LRRK1: variants seen among roughly 807,000 people sequenced by gnomAD.
LRRK1 encodes the protein leucine-rich repeat serine/threonine-protein kinase 1.
A neutral mutation model predicts 209.1 loss-of-function variants in LRRK1; 113 were observed. The ratio of observed to expected loss-of-function variants is 0.54; its 90% CI spans 0.46 to 0.63. The LOEUF is 0.63. LRRK1 is among the 30% of genes least tolerant of loss of function. The probability of loss-of-function intolerance (pLI) is 0.00; values close to 1 mark genes in which losing one functional copy is unlikely to be tolerated. For synonymous variants in LRRK1, 1,144 were observed against 1,099.7 expected (o/e 1.04, Z -0.80); for missense variants, 2,284 against 2,632.2 (o/e 0.87, Z 2.89).
intron 17 of LRRK1, among the ~76,000 whole-genome samples, chr15:101,026,822 A>G (rs1301589739): frequency 6.6e-6 from 1 of 152,200 alleles, no homozygotes; most frequent in Non-Finnish European, 1.5e-5. Flanking sequence ...GTATTGGTGC[A>G]TGGGTCAGCC....
At chr15:100,989,469 G>A (rs1246798848) in intron 6 of LRRK1, 71 bp downstream of exon 6, 1 of 1,497,228 alleles carries the variant, frequency 6.7e-7, no homozygotes. Context: ...CTGCAGACTG[G>A]GTAATTTATA....
chr15:100,976,737 A>T (rs1309012381), intron 3 of LRRK1, among the ~76,000 whole-genome samples: 1 of 152,238 alleles, frequency 6.6e-6, no homozygotes, highest in Non-Finnish European at 1.5e-5. Context: ...AAGGATGTTC[A>T]TTCAAGTTGT....
intron 2 of LRRK1, among the ~76,000 whole-genome samples, chr15:100,949,873 C>G (rs1426586765): frequency 6.6e-6 from 1 of 152,000 alleles, no homozygotes; most frequent in Non-Finnish European, 1.5e-5. Flanking sequence ...ATCTGATAAA[C>G]TGCATCTGTT....
At chr15:100,996,212 G>C (rs1224842898) in intron 6 of LRRK1, among the ~76,000 whole-genome samples, 1 of 152,222 alleles carries the variant, frequency 6.6e-6, no homozygotes, top group African/African-American at 2.4e-5. Flanking sequence ...CCAGAGTTTC[G>C]TGCATTGCAG....
chr15:100,951,811 G>A (rs922475833), intron 2 of LRRK1, among the ~76,000 whole-genome samples: 1 of 151,914 alleles, frequency 6.6e-6, no homozygotes, highest in African/African-American at 2.4e-5. Context: ...TATTAGCCAG[G>A]CATGGTGGCA....
At chr15:100,956,369 CTCTT>C (rs1279796252) in intron 2 of LRRK1, among the ~76,000 whole-genome samples, 2 of 143,266 alleles carry the variant, frequency 1.4e-5, no homozygotes, top group African/African-American at 2.7e-5. Flanking sequence ...TATTTGAGTT[CTCTT>C]TCTTTTTTTT....
At position 101,023,955 on chromosome 15, in the gene LRRK1, T is replaced by C. The variant is rs575402893; in HGVS notation, c.2068-848T>C. The stretch of plus-strand genomic sequence containing the variant: ...TCCAGCTTTGCCTTTTTCTTAACAG[T>C]TATGCAATCTCATTTCTTCTCTTAG... On this transcript the variant is annotated intron_variant, in intron 15 of 33. Coordinates refer to ENST00000388948, the MANE Select transcript of LRRK1 (RefSeq NM_024652.6). 2.0e-5 allele frequency among the ~76,000 whole-genome samples: 3 copies of C among 152,302 alleles called. 1 individual carries two copies. In the South Asian group the frequency reaches 6.2e-4, roughly 32 times the overall value.
chr15:101,068,901 C>G lies in LRRK1; in HGVS notation c.*53C>G. ...GAGCTGGCTGGCCCGGGGCTGCAGCCTGACCCCTCTGCCATCGGCCTCTAG... is the reference window on the plus strand; with the variant it reads ...GAGCTGGCTGGCCCGGGGCTGCAGCGTGACCCCTCTGCCATCGGCCTCTAG... On this transcript the variant is annotated 3_prime_UTR_variant, in exon 34 of 34. Transcript: ENST00000388948. 1.3e-6 allele frequency: 2 copies of G among 1,499,508 alleles called. No individual in the cohort carries two copies. Among genetic ancestry groups the G allele is most frequent in the Non-Finnish European group, 1.8e-6 (2 of 1,113,798 alleles). The allele number at this position is 1,499,508 out of a possible 1,614,324, so 92.9% of individuals were successfully genotyped here.
chr15:100,986,836 CA>C (rs1458833461), intron 4 of LRRK1, among the ~76,000 whole-genome samples: 1 of 152,216 alleles, frequency 6.6e-6, no homozygotes, highest in African/African-American at 2.4e-5. Flanking sequence ...CAGGGCTCTG[CA>C]GAAGCTTCCA....
intron 20 of LRRK1, among the ~76,000 whole-genome samples, chr15:101,037,805 TC>T (rs985128032): frequency 6.6e-6 from 1 of 152,164 alleles, no homozygotes; most frequent in Non-Finnish European, 1.5e-5. Flanking sequence ...GTAAAATGGC[TC>T]CTTGCAGATT....
At chr15:100,953,092 A>C (rs193202765) in intron 2 of LRRK1, among the ~76,000 whole-genome samples, 4 of 152,208 alleles carry the variant, frequency 2.6e-5, no homozygotes, top group Non-Finnish European at 5.9e-5. Context: ...GTTAATGAAC[A>C]CATCTACCAT....
intron 10 of LRRK1, among the ~76,000 whole-genome samples, chr15:101,014,001 GAC>G (rs942974494): frequency 6.6e-6 from 1 of 152,148 alleles, no homozygotes; most frequent in African/African-American, 2.4e-5. Context: ...TCCCCAGAGA[GAC>G]ACACCGGTAA....
chr15:101,012,905 G>T (rs530159457), intron 10 of LRRK1, among the ~76,000 whole-genome samples: 2 of 152,142 alleles, frequency 1.3e-5, no homozygotes, highest in Non-Finnish European at 2.9e-5. Flanking sequence ...GCCCCCGGGG[G>T]GGGGTGGTCC....
At position 101,053,015 on chromosome 15, in the gene LRRK1, G is replaced by A; in HGVS notation, c.3783G>A (p.Arg1261=). The part of the protein sequence containing the change: ...GGSGTVIYRA[R]YQGQPVAVKR... The stretch of plus-strand genomic sequence containing the variant: ...GTGGCACCGTCATCTACCGGGCCCG[G>A]TACCAGGGCCAGCCTGTGGCCGTCA... The change falls in exon 25 of 34, where the codon CGG becomes CGA. Residue 1261 remains arginine, a synonymous_variant. Transcript: ENST00000388948. 1 of 1,613,070 alleles carries A rather than the reference G, an allele frequency of 6.2e-7. No homozygotes were observed. The highest frequency in any genetic ancestry group is 2.2e-5 in the East Asian group (1 of 44,844).
intron 7 of LRRK1, among the ~76,000 whole-genome samples, chr15:101,009,395 C>G (rs2033130580): frequency 6.6e-6 from 1 of 152,138 alleles, no homozygotes; most frequent in Non-Finnish European, 1.5e-5. Flanking sequence ...GAGGCACCAG[C>G]TTTTACTCTG....
intron 3 of LRRK1, among the ~76,000 whole-genome samples, chr15:100,977,413 C>G (rs2031360838): frequency 6.6e-6 from 1 of 152,138 alleles, no homozygotes; most frequent in South Asian, 2.1e-4. Context: ...TCATCCCCAC[C>G]CCACGGTGTC....
At chr15:101,058,599 A>G in intron 29 of LRRK1, among the ~76,000 whole-genome samples, 1 of 106,420 alleles carries the variant, frequency 9.4e-6, no homozygotes, top group African/African-American at 4.2e-5. Flanking sequence ...CTGCTGCCCC[A>G]GATTGCAGAA....
At chr15:101,061,072 G>T in intron 29 of LRRK1, 99 bp from the exon 30 acceptor site, 1 of 858,192 alleles carries the variant, frequency 1.2e-6, no homozygotes, top group Non-Finnish European at 2.0e-6. Flanking sequence ...GGTGGGAGCA[G>T]GGGAGGTAGA....
Position 101,066,602 on chromosome 15 carries a change from C to T in LRRK1, c.5769-38C>T, listed in dbSNP as rs774363657. On this transcript the variant is annotated intron_variant, in intron 32 of 33. Coordinates refer to ENST00000388948, the MANE Select transcript of LRRK1 (RefSeq NM_024652.6). The stretch of plus-strand genomic sequence containing the variant: ...TTCACTCCCCGGAGAGCACGGCTAC[C>T]GACAAATCGCTTCCCCTTCTGGGTT... 30 of 1,594,118 alleles carry T rather than the reference C, an allele frequency of 1.9e-5. 1 individual carries two copies. Among genetic ancestry groups the T allele is most frequent in the Non-Finnish European group, 2.2e-5 (26 of 1,161,960 alleles).
Sources: gnomAD v4.1 joint callset for allele counts (sites outside exome capture counted in the v4.1 genomes callset) on GRCh38, gnomAD v4.1.1 for gene constraint, MANE v1.5 for transcripts, NCBI Gene and HGNC (gene_info 2026-07-23, HGNC 2026-07-21) for gene names.